CLMN: variants seen among roughly 807,000 people sequenced by gnomAD.
CLMN encodes the protein calmin, also known as calmin (calponin-like, transmembrane).
In CLMN, 57 loss-of-function variants were observed where a neutral mutation model predicts 92.7. The ratio of observed to expected loss-of-function variants is 0.61; its 90% CI spans 0.50 to 0.77. CLMN has a LOEUF of 0.77. Ranked by LOEUF, CLMN falls within the 30% of genes least tolerant of loss-of-function variation. The probability of loss-of-function intolerance (pLI) is 0.00; values close to 1 mark genes in which losing one functional copy is unlikely to be tolerated. For synonymous variants in CLMN, 466 were observed against 470.6 expected, an observed-to-expected ratio of 0.99 and a Z score of 0.13; for missense variants, 1,158 against 1,237.5, an observed-to-expected ratio of 0.94 and a Z score of 0.96.
At chr14:95,253,533 G>C (rs1353482082) in intron 1 of CLMN, among the ~76,000 whole-genome samples, 1 of 152,078 alleles carries the variant, frequency 6.6e-6, no homozygotes, top group Non-Finnish European at 1.5e-5. Flanking sequence ...CAGGGAGATG[G>C]AGGACAGTGT....
chr14:95,248,224 TAAAA>T (rs961397790), intron 1 of CLMN, among the ~76,000 whole-genome samples: 12 of 152,146 alleles, frequency 7.9e-5, no homozygotes, highest in Non-Finnish European at 1.2e-4. Flanking sequence ...TAAAATATTT[TAAAA>T]AATCATTGTA....
intron 1 of CLMN, among the ~76,000 whole-genome samples, chr14:95,312,069 C>G (rs1468513182): frequency 6.6e-6 from 1 of 152,152 alleles, no homozygotes; most frequent in Non-Finnish European, 1.5e-5. Flanking sequence ...GTGTTCTCCA[C>G]CAAACTCACA....
chr14:95,209,356 G>A (rs1167852035), intron 8 of CLMN, 39 bp downstream of exon 8: 1 of 1,582,498 alleles, frequency 6.3e-7, no homozygotes, highest in Non-Finnish European at 8.7e-7. Context: ...GGATGGAAAT[G>A]TATGGTGTCG....
intron 1 of CLMN, among the ~76,000 whole-genome samples, chr14:95,283,949 G>T (rs1900239273): frequency 2.6e-5 from 4 of 152,222 alleles, no homozygotes. Context: ...AGGCCATAGA[G>T]AAAGTGTCTC....
chr14:95,255,620 C>G (rs572677732), intron 1 of CLMN, among the ~76,000 whole-genome samples: 1 of 152,270 alleles, frequency 6.6e-6, no homozygotes, highest in South Asian at 2.1e-4. Context: ...GCAGCCTTAG[C>G]AAATGAATAC....
intron 3 of CLMN, chr14:95,222,559 G>C (rs927815027): frequency 8.8e-6 from 4 of 455,642 alleles, no homozygotes; most frequent in East Asian, 6.9e-5. Context: ...AAGACTCCCC[G>C]TGGAGGCCCA....
intron 2 of CLMN, among the ~76,000 whole-genome samples, chr14:95,227,658 C>T (rs1363844246): frequency 6.6e-6 from 1 of 152,182 alleles, no homozygotes; most frequent in East Asian, 1.9e-4. Flanking sequence ...GTCCATCCTG[C>T]GAGATGGCAG....
At chr14:95,245,361 C>T (rs930413939) in intron 1 of CLMN, among the ~76,000 whole-genome samples, 1 of 140,426 alleles carries the variant, frequency 7.1e-6, no homozygotes, top group African/African-American at 2.6e-5. Flanking sequence ...TAATAATGAA[C>T]AAGTGAACAC....
At chr14:95,305,811 T>A (rs886690075) in intron 1 of CLMN, among the ~76,000 whole-genome samples, 1 of 152,166 alleles carries the variant, frequency 6.6e-6, no homozygotes, top group Non-Finnish European at 1.5e-5. Context: ...TGAAGCAGGA[T>A]GCAAACAGAG....
intron 1 of CLMN, among the ~76,000 whole-genome samples, chr14:95,301,704 G>T (rs867196684): frequency 4.6e-4 from 70 of 152,136 alleles, no homozygotes; most frequent in African/African-American, 1.6e-3. Context: ...CAACCTACTA[G>T]GTCACCTGGA....
chr14:95,226,625 G>A (rs1315446962), intron 2 of CLMN, among the ~76,000 whole-genome samples: 2 of 151,972 alleles, frequency 1.3e-5, no homozygotes, highest in African/African-American at 4.8e-5. Context: ...GGCCCAGGCT[G>A]GAGTGCAGTG....
In CLMN at chr14:95,196,572, T is replaced by C. The variant is rs1324944123; in HGVS notation, c.2634A>G (p.Leu878=). The change falls in exon 10 of 13, where the codon CTA becomes CTG. Residue 878 remains leucine, a synonymous_variant. Coordinates refer to ENST00000298912, the MANE Select transcript of CLMN (RefSeq NM_024734.4). The part of the protein sequence containing the change: ...RKHVDHVESS[L]FVAPGSVQSS... Reference sequence around the variant, plus strand: ...ATTGAACACTTCCTGGTGCTACAAATAGTGAACTTTCTACGTGGTCCACAT... The same window carrying C: ...ATTGAACACTTCCTGGTGCTACAAACAGTGAACTTTCTACGTGGTCCACAT... 1.9e-6 allele frequency: 3 copies of C among 1,614,140 alleles called. No individual in the cohort carries two copies. The highest frequency in any genetic ancestry group is 2.2e-5 in the East Asian group (1 of 44,894).
At chr14:95,311,145 C>T (rs1366312908) in intron 1 of CLMN, among the ~76,000 whole-genome samples, 2 of 152,128 alleles carry the variant, frequency 1.3e-5, no homozygotes, top group Admixed American at 1.3e-4. Flanking sequence ...GGAAGAGGCG[C>T]ATGAACAGTG....
At chr14:95,318,183 G>A (rs1363310632) in intron 1 of CLMN, among the ~76,000 whole-genome samples, 1 of 152,176 alleles carries the variant, frequency 6.6e-6, no homozygotes, top group African/African-American at 2.4e-5. Flanking sequence ...CTCAATGGTT[G>A]CCTAAGACAG....
At chr14:95,213,821 A>C (rs1275711793) in intron 5 of CLMN, among the ~76,000 whole-genome samples, 2 of 152,104 alleles carry the variant, frequency 1.3e-5, no homozygotes. Context: ...TCCCTCCATC[A>C]GTGAACTCCT....
At chr14:95,260,533 TG>T (rs1008111402) in intron 1 of CLMN, 5 of 152,164 alleles carry the variant, frequency 3.3e-5, no homozygotes, top group Non-Finnish European at 7.4e-5. Flanking sequence ...CTGCTATGAG[TG>T]GAGACGTTAT....
At chr14:95,304,090 C>T (rs1901173712) in intron 1 of CLMN, among the ~76,000 whole-genome samples, 1 of 152,282 alleles carries the variant, frequency 6.6e-6, no homozygotes, top group South Asian at 2.1e-4. Context: ...GTAATCCCAG[C>T]ACATTGGGGG....
intron 1 of CLMN, among the ~76,000 whole-genome samples, chr14:95,265,404 TC>T (rs2140709811): frequency 6.6e-6 from 1 of 152,298 alleles, no homozygotes; most frequent in South Asian, 2.1e-4. Context: ...CTGCAACTTT[TC>T]CTTGCGTCTC....
chr14:95,213,313 T>C lies in CLMN; in HGVS notation c.514A>G (p.Thr172Ala), dbSNP rs1294469060. 1 of 1,613,866 alleles carries C rather than the reference T, an allele frequency of 6.2e-7. No individual in the cohort carries two copies. Among genetic ancestry groups the C allele is most frequent in the South Asian group, 1.1e-5 (1 of 91,026 alleles). Residue 172 changes from threonine (T) to alanine (A), a missense_variant, in exon 6 of 13, where the codon ACA becomes GCA. Coordinates refer to ENST00000298912, the MANE Select transcript of CLMN (RefSeq NM_024734.4). ...GCCACGCTCCTCTCTGCAGTGGGTG[T>C]GGGTGGGAAGGATGAGTCTGAGTCT... is the stretch of plus-strand genomic sequence containing the variant. ...GTDSDSSFPP[T>A]PTAERSVAIS...
Sources: allele counts gnomAD v4.1 joint callset (sites outside exome capture counted in the v4.1 genomes callset), GRCh38; gene constraint gnomAD v4.1.1; transcripts MANE v1.5; gene names NCBI Gene and HGNC (gene_info 2026-07-23, HGNC 2026-07-21).